MAP7: variants seen among roughly 807,000 people sequenced by gnomAD.
The protein encoded by MAP7 is ensconsin.
A neutral mutation model predicts 94.8 loss-of-function variants in MAP7; 52 were observed. The ratio of observed to expected loss-of-function variants is 0.55; its 90% CI spans 0.44 to 0.69. The LOEUF (loss-of-function observed/expected upper bound fraction) is 0.69. MAP7 is among the 30% of genes least tolerant of loss of function. MAP7 has a pLI of 0.00. For missense variants in MAP7, 940 were observed against 964.6 expected (o/e 0.97, Z 0.34); for synonymous variants, 350 against 357.0 (o/e 0.98, Z 0.22).
At chr6:136,421,838 T>C (rs1185083594) in intron 1 of MAP7, 39 bp from the exon 2 acceptor site, 1 of 1,465,844 alleles carries the variant, frequency 6.8e-7, no homozygotes, top group East Asian at 2.3e-5. Flanking sequence ...CACATTTAGT[T>C]TCTTAAAATT....
At chr6:136,498,893 A>G (rs1819056543) in intron 1 of MAP7, among the ~76,000 whole-genome samples, 1 of 151,958 alleles carries the variant, frequency 6.6e-6, no homozygotes, top group East Asian at 1.9e-4. Flanking sequence ...TTAGGATACT[A>G]GCTCCATTTC....
rs1805701600 is a variant in MAP7, at chr6:136,462,885, C to A, written c.68-41086G>T. 2.0e-5 allele frequency among the ~76,000 whole-genome samples: 3 copies of A among 149,016 alleles called. No homozygotes were observed. The South Asian group carries it at 6.4e-4, about 32-fold the overall frequency. On this transcript the variant is annotated intron_variant, in intron 1 of 17. Transcript: ENST00000354570. ...GCTGAGGTGGGAGGATTGCTTGAGC[C>A]TGGGAGGCAGAGGTTGCAGTGAGTC...
At chr6:136,490,662 A>G (rs1441867315) in intron 1 of MAP7, among the ~76,000 whole-genome samples, 1 of 152,234 alleles carries the variant, frequency 6.6e-6, no homozygotes, top group Non-Finnish European at 1.5e-5. Context: ...ACGTCAGCAC[A>G]TAGCATGATC....
intron 1 of MAP7, among the ~76,000 whole-genome samples, chr6:136,468,105 A>G (rs1220603042): frequency 2.0e-5 from 3 of 150,700 alleles, no homozygotes; most frequent in African/African-American, 7.3e-5. Flanking sequence ...TGTGACCACC[A>G]CTCCCCACCC....
intron 3 of MAP7, among the ~76,000 whole-genome samples, chr6:136,402,850 G>A (rs1222209461): frequency 1.4e-5 from 2 of 144,672 alleles, no homozygotes; most frequent in Non-Finnish European, 3.0e-5. Flanking sequence ...AGCTTGCAGT[G>A]AGCCGAGATA....
At chr6:136,505,133 A>G (rs1474986516) in intron 1 of MAP7, among the ~76,000 whole-genome samples, 1 of 151,666 alleles carries the variant, frequency 6.6e-6, no homozygotes, top group Admixed American at 6.6e-5. Flanking sequence ...AAAGACTGAG[A>G]AAGGCATATA....
intron 1 of MAP7, among the ~76,000 whole-genome samples, chr6:136,546,400 A>T (rs1026096993): frequency 7.3e-6 from 1 of 136,130 alleles, no homozygotes; most frequent in African/African-American, 2.8e-5. Flanking sequence ...TCTGGTAACC[A>T]TGCTTCTACT....
intron 1 of MAP7, among the ~76,000 whole-genome samples, chr6:136,444,577 A>G (rs1215488290): frequency 6.6e-6 from 1 of 152,114 alleles, no homozygotes; most frequent in Non-Finnish European, 1.5e-5. Context: ...TCACTTAATA[A>G]TTTTCAGTGG....
chr6:136,498,176 A>G (rs1251773257), intron 1 of MAP7, among the ~76,000 whole-genome samples: 1 of 152,134 alleles, frequency 6.6e-6, no homozygotes, highest in Non-Finnish European at 1.5e-5. Context: ...TGTGGACCCC[A>G]AAAGTTTTAG....
chr6:136,460,084 G>T (rs534761769), intron 1 of MAP7, among the ~76,000 whole-genome samples: 2 of 152,204 alleles, frequency 1.3e-5, no homozygotes, highest in African/African-American at 4.8e-5. Flanking sequence ...ACAAAATGTT[G>T]TAAGATGTGG....
chr6:136,477,320 C>CAACAA (rs2128954691), intron 1 of MAP7, among the ~76,000 whole-genome samples: 1 of 152,246 alleles, frequency 6.6e-6, no homozygotes, highest in East Asian at 1.9e-4. Flanking sequence ...AAAACAACTG[C>CAACAA]CCTTGAATGC....
At position 136,550,239 on chromosome 6, in the gene MAP7, G is replaced by C. The variant is rs948316502; in HGVS notation, c.67+103C>G. 6 of 1,037,470 alleles carry C rather than the reference G, an allele frequency of 5.8e-6. No homozygotes were observed. The highest frequency in any genetic ancestry group is 4.5e-5 in the Admixed American group (1 of 22,470). The allele number at this position is 1,037,470 out of a possible 1,614,324, so 64.3% of individuals were successfully genotyped here. On this transcript the variant is annotated intron_variant, in intron 1 of 17. Transcript: ENST00000354570. This position sits in a 1 kb window ranked among gnomAD's most constrained non-coding sequence, Gnocchi z 5.1. ...TGTTCCGGGCCGCGGCCGCGCGGGC[G>C]GGGAGGGGGCTGCCGGCGCCGGGTG...
chr6:136,388,921 A>G (rs1779920006), intron 4 of MAP7, among the ~76,000 whole-genome samples: 1 of 152,216 alleles, frequency 6.6e-6, no homozygotes, highest in Non-Finnish European at 1.5e-5. Flanking sequence ...ATTGAGTTGT[A>G]TGACCTTGTG....
At chr6:136,511,684 G>T (rs1203662161) in intron 1 of MAP7, among the ~76,000 whole-genome samples, 1 of 152,182 alleles carries the variant, frequency 6.6e-6, no homozygotes, top group Non-Finnish European at 1.5e-5. Flanking sequence ...AGAGCAGCAG[G>T]TGGGAGTGAG....
At chr6:136,493,712 C>T (rs1817392883) in intron 1 of MAP7, among the ~76,000 whole-genome samples, 1 of 152,254 alleles carries the variant, frequency 6.6e-6, no homozygotes, top group Middle Eastern at 3.4e-3. Flanking sequence ...TGTTGAAAAA[C>T]CCATACCGAG....
rs138918134 is a variant in MAP7, at chr6:136,485,853, C to T, written c.68-64054G>A. On this transcript the variant is annotated intron_variant, in intron 1 of 17. Transcript: ENST00000354570. ...CTGGGATTACAGGCGTGAGCCACCG[C>T]GCCCGGCCACTTCAGATTTTTTAAT... is the stretch of plus-strand genomic sequence containing the variant. Among the ~76,000 whole-genome samples the T allele has an allele frequency of 5.0e-3, 757 of 152,198 alleles. 7 individuals are homozygous for T. The highest frequency in any genetic ancestry group is 0.017 in the African/African-American group (712 of 41,530).
intron 1 of MAP7, among the ~76,000 whole-genome samples, chr6:136,441,845 T>C (rs1245385622): frequency 6.6e-6 from 1 of 152,066 alleles, no homozygotes; most frequent in Non-Finnish European, 1.5e-5. Flanking sequence ...GGAGACCCTG[T>C]CTCTACAAAA....
rs1236675269 is a variant in MAP7 at position 136,342,866 on chromosome 6, C to A, written c.*1362G>T. The A allele has an allele frequency of 6.6e-6, 1 of 151,986 alleles. No homozygotes were observed. Among genetic ancestry groups the A allele is most frequent in the African/African-American group, 2.4e-5 (1 of 41,338 alleles). The allele number at this position is 151,986 out of a possible 1,614,324, so 9.4% of individuals were successfully genotyped here. A position where few individuals can be genotyped will look rare whatever the true frequency, so the allele number is the denominator to read the frequency against. On this transcript the variant is annotated 3_prime_UTR_variant, in exon 18 of 18. Coordinates refer to ENST00000354570, the MANE Select transcript of MAP7 (RefSeq NM_003980.6). ...ATGGACAACTGAAAACAGGGAAAAC[C>A]CCCAAATTAATGTTTTCACAAATTA... is the stretch of plus-strand genomic sequence containing the variant.
rs1393062418 is a variant in MAP7 at position 136,345,841 on chromosome 6, T to C, written c.2239+15A>G. The C allele has an allele frequency of 6.2e-7, 1 of 1,604,664 alleles. No individual in the cohort carries two copies. The highest frequency in any genetic ancestry group is 8.5e-7 in the Non-Finnish European group (1 of 1,171,396). On this transcript the variant is annotated intron_variant, in intron 17 of 17. Coordinates refer to ENST00000354570, the MANE Select transcript of MAP7 (RefSeq NM_003980.6). Reference sequence around the variant, plus strand: ...ATTTCTGATGACTACAGAAGGGAGTTGGAGGCAAGCTTACCTGCAGTCTGC... The same window carrying C: ...ATTTCTGATGACTACAGAAGGGAGTCGGAGGCAAGCTTACCTGCAGTCTGC...
Sources: allele counts gnomAD v4.1 joint callset (sites outside exome capture counted in the v4.1 genomes callset), GRCh38; gene constraint gnomAD v4.1.1; non-coding constraint Gnocchi (gnomAD v3.1); transcripts MANE v1.5; gene names NCBI Gene and HGNC (gene_info 2026-07-23, HGNC 2026-07-21).